VEGFC: variants seen among roughly 807,000 people sequenced by gnomAD.
VEGFC encodes the protein FLT4 ligand DHM.
Under a neutral mutation model 46.1 loss-of-function variants are expected in VEGFC, and 12 were observed. The ratio of observed to expected loss-of-function variants is 0.26; its 90% confidence interval spans 0.17 to 0.42. The LOEUF (loss-of-function observed/expected upper bound fraction) is 0.42, where lower values mean the gene tolerates loss of function less well. Ranked by LOEUF, VEGFC falls within the 10% of genes least tolerant of loss-of-function variation. The pLI is 1.00. For synonymous variants in VEGFC, 232 were observed against 195.5 expected, an observed-to-expected ratio of 1.19 and a Z score of -1.56; for missense variants, 488 against 529.4, an observed-to-expected ratio of 0.92 and a Z score of 0.77.
Position 176,740,039 on chromosome 4 carries a change from ATAAC to A in VEGFC, c.148-10297_148-10294del, listed in dbSNP as rs1457871465. ...TATATATTCGATATATCGAATATAT[ATAAC>A]TATTCGATATATAGAATATATATAA... On this transcript the variant is annotated intron_variant, in intron 1 of 6. Transcript: ENST00000618562. 7.1e-4 allele frequency among the ~76,000 whole-genome samples: 39 copies of A among 54,944 alleles called. 5 individuals are homozygous for A. The highest frequency in any genetic ancestry group is 1.6e-3 in the African/African-American group (35 of 22,408). 36.0% of individuals were successfully genotyped at this position (54,944 alleles called of 152,430 possible). A position where few individuals can be genotyped will look rare whatever the true frequency, so the allele number is the denominator to read the frequency against.
intron 4 of VEGFC, among the ~76,000 whole-genome samples, chr4:176,700,657 C>T (rs1253017356): frequency 1.3e-5 from 2 of 152,086 alleles, no homozygotes; most frequent in African/African-American, 4.8e-5. Context: ...TTCTGCTCTA[C>T]TATTTTTTAT....
chr4:176,789,022 A>G (rs977327663), intron 1 of VEGFC, among the ~76,000 whole-genome samples: 7 of 152,214 alleles, frequency 4.6e-5, no homozygotes, highest in Non-Finnish European at 8.8e-5. Flanking sequence ...CCTACTCTCA[A>G]TAACAACCCC....
intron 3 of VEGFC, among the ~76,000 whole-genome samples, chr4:176,714,042 GC>G (rs1734659620): frequency 6.6e-6 from 1 of 152,140 alleles, no homozygotes; most frequent in Non-Finnish European, 1.5e-5. Context: ...GTGGGAAAGG[GC>G]TCAAGTGGCT....
intron 4 of VEGFC, among the ~76,000 whole-genome samples, chr4:176,697,752 T>C (rs1157604300): frequency 2.0e-5 from 3 of 151,310 alleles, no homozygotes; most frequent in African/African-American, 7.3e-5. Flanking sequence ...CCAACAATGA[T>C]AGACTGGATT....
intron 4 of VEGFC, among the ~76,000 whole-genome samples, chr4:176,688,695 T>C (rs1378412446): frequency 6.7e-6 from 1 of 150,306 alleles, no homozygotes; most frequent in Non-Finnish European, 1.5e-5. Context: ...TTCAGTCAAG[T>C]ACCCTAATTG....
At chr4:176,778,278 A>G (rs1016779866) in intron 1 of VEGFC, among the ~76,000 whole-genome samples, 6 of 152,234 alleles carry the variant, frequency 3.9e-5, no homozygotes, top group Non-Finnish European at 8.8e-5. Flanking sequence ...ACTTGCTGGC[A>G]AGCTCTGATG....
chr4:176,697,401 T>C (rs550108867), intron 4 of VEGFC, among the ~76,000 whole-genome samples: 48 of 152,284 alleles, frequency 3.2e-4, no homozygotes, highest in African/African-American at 9.6e-4. Context: ...CCATCACTGG[T>C]CATCAGAGAA....
At chr4:176,691,751 T>A (rs928954665) in intron 4 of VEGFC, among the ~76,000 whole-genome samples, 1 of 152,212 alleles carries the variant, frequency 6.6e-6, no homozygotes, top group Non-Finnish European at 1.5e-5. Context: ...TCTGTTACAT[T>A]ATATTCTAAA....
intron 4 of VEGFC, among the ~76,000 whole-genome samples, chr4:176,696,828 C>G (rs572070248): frequency 5.3e-5 from 8 of 152,068 alleles, no homozygotes; most frequent in Admixed American, 5.2e-4. Context: ...GAAATAACGC[C>G]GCATATCTAC....
At chr4:176,763,239 A>C (rs1009195847) in intron 1 of VEGFC, among the ~76,000 whole-genome samples, 2 of 152,240 alleles carry the variant, frequency 1.3e-5, no homozygotes, top group African/African-American at 2.4e-5. Context: ...ATACAATTCC[A>C]AGGAAAAAGG....
intron 4 of VEGFC, chr4:176,705,842 A>G (rs1734524585): frequency 6.6e-6 from 1 of 152,204 alleles, no homozygotes; most frequent in South Asian, 2.1e-4. Context: ...AGTGAAGATT[A>G]GCTTATAAAT....
chr4:176,781,251 A>G (rs1358652869), intron 1 of VEGFC, among the ~76,000 whole-genome samples: 2 of 152,230 alleles, frequency 1.3e-5, no homozygotes, highest in African/African-American at 2.4e-5. Context: ...CTATTATGTT[A>G]AAACTAAAAT....
chr4:176,791,762 C>T (rs1736097527), intron 1 of VEGFC, among the ~76,000 whole-genome samples: 1 of 152,190 alleles, frequency 6.6e-6, no homozygotes, highest in African/African-American at 2.4e-5. Context: ...GACTGATCAC[C>T]AGTGTCCCAG....
chr4:176,728,633 C>T (rs960989538), intron 2 of VEGFC, among the ~76,000 whole-genome samples: 1 of 152,160 alleles, frequency 6.6e-6, no homozygotes, highest in Non-Finnish European at 1.5e-5. Flanking sequence ...ACCTATAATA[C>T]TGTTGACTTT....
chr4:176,776,771 G>A (rs1410306623), intron 1 of VEGFC, among the ~76,000 whole-genome samples: 1 of 152,152 alleles, frequency 6.6e-6, no homozygotes, highest in Non-Finnish European at 1.5e-5. Context: ...ATAGAAAATT[G>A]TTAACATTCA....
intron 1 of VEGFC, among the ~76,000 whole-genome samples, chr4:176,731,771 C>T (rs1734969401): frequency 6.6e-6 from 1 of 151,902 alleles, no homozygotes; most frequent in African/African-American, 2.4e-5. Context: ...AAAAGATATT[C>T]ACCGAACTGT....
chr4:176,740,388 CTATA>C (rs1319226397), intron 1 of VEGFC, among the ~76,000 whole-genome samples: 3 of 114,108 alleles, frequency 2.6e-5, no homozygotes, highest in African/African-American at 1.1e-4. Context: ...TTATATATAA[CTATA>C]TATTTATATA....
At chr4:176,755,585 C>T (rs1735419294) in intron 1 of VEGFC, among the ~76,000 whole-genome samples, 2 of 151,996 alleles carry the variant, frequency 1.3e-5, no homozygotes, top group African/African-American at 4.8e-5. Context: ...AGACTCCTTG[C>T]CTCAATTCCC....
At chr4:176,743,720 G>A (rs929161377) in intron 1 of VEGFC, among the ~76,000 whole-genome samples, 8 of 151,444 alleles carry the variant, frequency 5.3e-5, no homozygotes, top group Admixed American at 1.3e-4. Flanking sequence ...AGCTTCTACT[G>A]TTTTATTCAT....
Sources: gnomAD v4.1 joint callset for allele counts (sites outside exome capture counted in the v4.1 genomes callset) on GRCh38, gnomAD v4.1.1 for gene constraint, MANE v1.5 for transcripts, NCBI Gene and HGNC (gene_info 2026-07-23, HGNC 2026-07-21) for gene names.